The following THSD4 variants were observed in gnomAD, a reference collection of about 807,000 sequenced individuals.
THSD4 encodes the protein thrombospondin type-1 domain-containing protein 4.
A neutral mutation model predicts 119.0 loss-of-function variants in THSD4; 69 were observed. The observed-to-expected ratio is 0.58, with a 90% CI of 0.48 to 0.71. The LOEUF (loss-of-function observed/expected upper bound fraction) is 0.71, where lower values mean the gene tolerates loss of function less well. Ranked by LOEUF, THSD4 falls within the 30% of genes least tolerant of loss-of-function variation. The pLI is 0.00. For missense variants in THSD4, 1,393 were observed against 1,391.1 expected (o/e 1.00, Z -0.02); for synonymous variants, 524 against 540.4 (o/e 0.97, Z 0.42).
intron 7 of THSD4, among the ~76,000 whole-genome samples, chr15:71,534,836 G>GGT (rs2048667269): frequency 6.6e-6 from 1 of 152,118 alleles, no homozygotes. Flanking sequence ...AAATTAGCCA[G>GGT]GTGTGGTGGT....
At chr15:71,532,281 AGAGTGTGTGTGT>A (rs1190329977) in intron 7 of THSD4, among the ~76,000 whole-genome samples, 35 of 113,192 alleles carry the variant, frequency 3.1e-4, no homozygotes, top group African/African-American at 1.2e-3. Flanking sequence ...AGAGAGAGAG[AGAGTGTGTGTGT>A]GTGTGTGTGT....
chr15:71,641,691 C>G (rs2050861149), intron 7 of THSD4, among the ~76,000 whole-genome samples: 4 of 152,042 alleles, frequency 2.6e-5, no homozygotes, highest in African/African-American at 9.7e-5. Flanking sequence ...TCCCTTATGT[C>G]ACTTTCATAA....
chr15:71,165,166 C>G, intron 3 of THSD4: 1 of 1,591,318 alleles, frequency 6.3e-7, no homozygotes, highest in East Asian at 2.2e-5. Context: ...TCTTTTTTGT[C>G]TCCCCTTTGG....
chr15:71,148,037 G>T (rs2040681507), intron 2 of THSD4, among the ~76,000 whole-genome samples: 5 of 151,160 alleles, frequency 3.3e-5, no homozygotes, highest in Admixed American at 3.3e-4. Context: ...AGAAGTACTG[G>T]TCGAGAAAAT....
chr15:71,333,842 A>G (rs759855311), intron 6 of THSD4, among the ~76,000 whole-genome samples: 4 of 152,206 alleles, frequency 2.6e-5, no homozygotes, highest in Non-Finnish European at 4.4e-5. Flanking sequence ...TATTGAAAAT[A>G]TATGAACTTT....
At chr15:71,132,687 G>T (rs942854318) in intron 1 of THSD4, among the ~76,000 whole-genome samples, 6 of 152,064 alleles carry the variant, frequency 3.9e-5, no homozygotes, top group South Asian at 4.2e-4. Context: ...TACCTCATTG[G>T]GTGTGTTCCA....
intron 7 of THSD4, among the ~76,000 whole-genome samples, chr15:71,542,199 A>G (rs2048768573): frequency 6.6e-6 from 1 of 152,232 alleles, no homozygotes; most frequent in African/African-American, 2.4e-5. Context: ...CAAGATCTAC[A>G]GATGAGTATT....
intron 1 of THSD4, among the ~76,000 whole-genome samples, chr15:71,108,816 C>A (rs913191391): frequency 2.0e-5 from 3 of 152,074 alleles, no homozygotes; most frequent in Non-Finnish European, 4.4e-5. Flanking sequence ...ATGGTGAAAC[C>A]CCATCTCTAC....
intron 3 of THSD4, among the ~76,000 whole-genome samples, chr15:71,199,488 G>C (rs62016845): frequency 1.8e-4 from 11 of 62,518 alleles, no homozygotes; most frequent in South Asian, 4.9e-4. Flanking sequence ...GTGTGTGTGG[G>C]GTGTGTGTGG....
intron 6 of THSD4, among the ~76,000 whole-genome samples, chr15:71,400,930 A>G (rs1284102963): frequency 6.6e-6 from 1 of 152,180 alleles, no homozygotes; most frequent in African/African-American, 2.4e-5. Context: ...AACTAAGCAC[A>G]GATGTTCCCT....
At chr15:71,342,569 C>T in intron 6 of THSD4, 1 of 152,724 alleles carries the variant, frequency 6.5e-6, no homozygotes. Flanking sequence ...TCTGCCCCTG[C>T]CCTGGTGTGC....
intron 6 of THSD4, among the ~76,000 whole-genome samples, chr15:71,329,289 A>G (rs907253409): frequency 1.3e-5 from 2 of 152,210 alleles, no homozygotes; most frequent in Non-Finnish European, 2.9e-5. Context: ...GTGTGAGGTC[A>G]GGCCTCGGCT....
chr15:71,283,171 G>A (rs551520701), intron 6 of THSD4, among the ~76,000 whole-genome samples: 2 of 152,160 alleles, frequency 1.3e-5, no homozygotes, highest in East Asian at 3.9e-4. Flanking sequence ...GGGTTTCACT[G>A]TGTTAGCCGG....
At chr15:71,464,136 C>T (rs2140622616) in intron 7 of THSD4, among the ~76,000 whole-genome samples, 1 of 152,232 alleles carries the variant, frequency 6.6e-6, no homozygotes, top group East Asian at 1.9e-4. Flanking sequence ...CCATGCCATG[C>T]TTGTTTATCC....
At chr15:71,128,776 G>T (rs1267705411) in intron 1 of THSD4, among the ~76,000 whole-genome samples, 1 of 152,092 alleles carries the variant, frequency 6.6e-6, no homozygotes, top group Non-Finnish European at 1.5e-5. Flanking sequence ...TAAAGGAGGG[G>T]GAATGAGTGT....
chr15:71,141,520 C>T lies in THSD4; in HGVS notation c.-8C>T, dbSNP rs2040603942. The stretch of plus-strand genomic sequence containing the variant: ...AGAGCCCTTGCTTTTGCCTGGACCC[C>T]CAGCATCATGGTTTCCCATTTCATG... On this transcript the variant is annotated 5_prime_UTR_variant, in exon 2 of 18. Transcript: ENST00000261862. 2 of 1,608,918 alleles carry T rather than the reference C, an allele frequency of 1.2e-6. No homozygotes were observed. Among genetic ancestry groups the T allele is most frequent in the Non-Finnish European group, 1.7e-6 (2 of 1,177,814 alleles).
At chr15:71,541,960 G>A (rs948139772) in intron 7 of THSD4, among the ~76,000 whole-genome samples, 2 of 152,170 alleles carry the variant, frequency 1.3e-5, no homozygotes, top group African/African-American at 4.8e-5. Context: ...GGAAGAGAAC[G>A]TATTGCAAAC....
At chr15:71,183,361 G>A (rs2043555872) in intron 3 of THSD4, 1 of 151,764 alleles carries the variant, frequency 6.6e-6, no homozygotes, top group South Asian at 2.1e-4. Context: ...AATGAGATTT[G>A]GATGGGGACA....
chr15:71,188,835 A>G (rs532752228), intron 3 of THSD4: 5 of 152,816 alleles, frequency 3.3e-5, no homozygotes, highest in African/African-American at 1.2e-4. Flanking sequence ...CTGTGCAGTC[A>G]GGACATGCGC....
Sources: gnomAD v4.1 joint callset for allele counts (sites outside exome capture counted in the v4.1 genomes callset) on GRCh38, gnomAD v4.1.1 for gene constraint, MANE v1.5 for transcripts, NCBI Gene and HGNC (gene_info 2026-07-23, HGNC 2026-07-21) for gene names.